RALGAPA2: variants seen among roughly 807,000 people sequenced by gnomAD.
The protein encoded by RALGAPA2 is Ral GTPase activating protein catalytic subunit alpha 2.
A neutral mutation model predicts 230.4 loss-of-function variants in RALGAPA2; 139 were observed. That is an observed-to-expected ratio of 0.60 (90% CI 0.53 to 0.69). The LOEUF (loss-of-function observed/expected upper bound fraction) is 0.69, where lower values mean the gene tolerates loss of function less well. Among genes scored for constraint, RALGAPA2 ranks in the 30% least tolerant of loss-of-function variants. RALGAPA2 has a pLI of 0.00. For missense variants in RALGAPA2, 2,163 were observed against 2,276.0 expected, an observed-to-expected ratio of 0.95 and a Z score of 1.01; for synonymous variants, 847 against 837.8, an observed-to-expected ratio of 1.01 and a Z score of -0.19.
chr20:20,608,182 C>T (rs1166893290), intron 14 of RALGAPA2, among the ~76,000 whole-genome samples: 1 of 152,120 alleles, frequency 6.6e-6, no homozygotes, highest in Non-Finnish European at 1.5e-5. Flanking sequence ...ATTTTAAAAA[C>T]ACCTTAACTA....
At position 20,609,294 on chromosome 20, in the gene RALGAPA2, C is replaced by T. The variant is rs570568969; in HGVS notation, c.1800+2021G>A. ...GATTACAAGTGTAAGCCACCATGCC[C>T]AGCCTTTTGGTTAGTTCTTAATTTA... On this transcript the variant is annotated intron_variant, in intron 14 of 39. Coordinates refer to ENST00000202677, the MANE Select transcript of RALGAPA2 (RefSeq NM_020343.4). 3.2e-4 allele frequency among the ~76,000 whole-genome samples: 49 copies of T among 152,288 alleles called. 2 individuals carry two copies. Among genetic ancestry groups the T allele is most frequent in the Admixed American group, 2.9e-3 (44 of 15,288 alleles).
intron 5 of RALGAPA2, among the ~76,000 whole-genome samples, chr20:20,642,456 C>A (rs901131211): frequency 2.0e-5 from 3 of 152,154 alleles, no homozygotes; most frequent in Non-Finnish European, 4.4e-5. Context: ...GGCAATTTGC[C>A]TGCCTCGGCC....
chr20:20,400,911 A>G (rs1013317393), intron 38 of RALGAPA2, among the ~76,000 whole-genome samples: 1 of 152,238 alleles, frequency 6.6e-6, no homozygotes, highest in African/African-American at 2.4e-5. Flanking sequence ...ATGCTAAAAG[A>G]AAGAAGTCAG....
chr20:20,663,384 T>C (rs147568573), intron 3 of RALGAPA2, among the ~76,000 whole-genome samples: 75 of 152,288 alleles, frequency 4.9e-4, no homozygotes, highest in African/African-American at 1.6e-3. Context: ...AAACCCTATA[T>C]ACACTGTGCA....
rs893563164 is a variant in RALGAPA2, at chr20:20,620,451, GA to G, written c.1401+11del. The G allele has an allele frequency of 6.2e-7, 1 of 1,611,796 alleles. No individual in the cohort carries two copies. Among genetic ancestry groups the G allele is most frequent in the Non-Finnish European group, 8.5e-7 (1 of 1,178,960 alleles). On this transcript the variant is annotated intron_variant, in intron 11 of 39. Transcript: ENST00000202677. Reference sequence around the variant, plus strand: ...TTTACCCTCAACTCAAAAGACAAGTGAAAAAAATTACCTCCTTGCTATCAGT... The same window carrying G: ...TTTACCCTCAACTCAAAAGACAAGTGAAAAAATTACCTCCTTGCTATCAGT...
chr20:20,456,413 G>A (rs950264829), intron 37 of RALGAPA2, among the ~76,000 whole-genome samples: 2 of 152,250 alleles, frequency 1.3e-5, no homozygotes. Context: ...GGAAGACAGA[G>A]AGAAATGTCC....
intron 37 of RALGAPA2, among the ~76,000 whole-genome samples, chr20:20,431,236 C>T (rs2060495502): frequency 6.6e-6 from 1 of 152,132 alleles, no homozygotes; most frequent in Non-Finnish European, 1.5e-5. Context: ...AGAAGTAGGA[C>T]TGGAGAGAGG....
chr20:20,493,510 CA>C (rs1035420767), intron 36 of RALGAPA2, among the ~76,000 whole-genome samples: 3 of 151,828 alleles, frequency 2.0e-5, no homozygotes, highest in Non-Finnish European at 2.9e-5. Context: ...TTTAAAAAAT[CA>C]AAAAAATCAC....
At chr20:20,662,230 A>G (rs1393260350) in intron 3 of RALGAPA2, among the ~76,000 whole-genome samples, 6 of 152,180 alleles carry the variant, frequency 3.9e-5, no homozygotes, top group Admixed American at 3.9e-4. Flanking sequence ...CAAACTCAAT[A>G]CACTGGGAGT....
intron 38 of RALGAPA2, among the ~76,000 whole-genome samples, chr20:20,409,958 C>A (rs897995546): frequency 6.6e-6 from 1 of 152,206 alleles, no homozygotes; most frequent in Admixed American, 6.5e-5. Context: ...CCACTCAACA[C>A]TGAATTCCTT....
intron 4 of RALGAPA2, among the ~76,000 whole-genome samples, chr20:20,644,645 T>C (rs1025886337): frequency 5.9e-5 from 9 of 152,290 alleles, no homozygotes; most frequent in African/African-American, 1.9e-4. Context: ...AACTAATAGT[T>C]TGTGCTTGAG....
At chr20:20,611,033 T>C (rs1195583807) in intron 14 of RALGAPA2, among the ~76,000 whole-genome samples, 4 of 152,054 alleles carry the variant, frequency 2.6e-5, no homozygotes, top group African/African-American at 9.7e-5. Context: ...CCTTTACCTC[T>C]CCAAATCTAC....
intron 4 of RALGAPA2, among the ~76,000 whole-genome samples, chr20:20,644,206 C>T (rs1240536169): frequency 1.3e-5 from 2 of 152,094 alleles, no homozygotes; most frequent in Non-Finnish European, 2.9e-5. Flanking sequence ...GCCTCTAAAA[C>T]GGGATCTTAA....
intron 37 of RALGAPA2, among the ~76,000 whole-genome samples, chr20:20,429,396 C>G (rs1429191734): frequency 6.6e-6 from 1 of 152,126 alleles, no homozygotes; most frequent in Non-Finnish European, 1.5e-5. Flanking sequence ...TCTTTCTCCC[C>G]CCAGAACCAA....
intron 3 of RALGAPA2, among the ~76,000 whole-genome samples, chr20:20,658,088 T>A (rs539957185): frequency 3.8e-4 from 58 of 152,200 alleles, no homozygotes; most frequent in Non-Finnish European, 7.3e-4. Flanking sequence ...GTCAAGCCTA[T>A]CATTATCACC....
At chr20:20,567,857 TAATAAAATAAAATAAAATAA>T (rs10525989) in intron 23 of RALGAPA2, among the ~76,000 whole-genome samples, 5,580 of 125,450 alleles carry the variant, frequency 0.044, 256 homozygotes, top group African/African-American at 0.1. Context: ...AAAAAAGCAA[TAATAAAATAAAATAAAATAA>T]AATAAAATAA....
At chr20:20,625,765 C>T (rs183289515) in intron 10 of RALGAPA2, among the ~76,000 whole-genome samples, 28 of 152,154 alleles carry the variant, frequency 1.8e-4, no homozygotes, top group Admixed American at 1.6e-3. Context: ...GTCTGAAAAA[C>T]GCCAATGAGA....
chr20:20,545,684 ACT>A (rs1351947685), intron 24 of RALGAPA2, among the ~76,000 whole-genome samples: 10 of 152,336 alleles, frequency 6.6e-5, no homozygotes, highest in African/African-American at 2.2e-4. Context: ...GGCAAAGATA[ACT>A]CTGAATATAT....
In RALGAPA2 at chr20:20,600,397, G is replaced by T. The variant is rs1336783132; in HGVS notation, c.2203+1285C>A. Among the ~76,000 whole-genome samples the T allele has an allele frequency of 2.0e-5, 3 of 152,230 alleles. No homozygotes were observed. In the East Asian group the frequency reaches 5.8e-4, roughly 29 times the overall value. On this transcript the variant is annotated intron_variant, in intron 16 of 39. Coordinates refer to ENST00000202677, the MANE Select transcript of RALGAPA2 (RefSeq NM_020343.4). ...GAATGAGCATCCTCAAAAGTTGCCT[G>T]CTAACAAAGAATTGGGTCTCTCCTC...
Sources: gnomAD v4.1 joint callset for allele counts (sites outside exome capture counted in the v4.1 genomes callset) on GRCh38, gnomAD v4.1.1 for gene constraint, MANE v1.5 for transcripts, NCBI Gene and HGNC (gene_info 2026-07-23, HGNC 2026-07-21) for gene names.